TRIP10: variants seen among roughly 807,000 people sequenced by gnomAD.
The protein encoded by TRIP10 is thyroid hormone receptor interactor 10.
A neutral mutation model predicts 80.9 loss-of-function variants in TRIP10; 54 were observed. The ratio of observed to expected loss-of-function variants is 0.67; its 90% confidence interval spans 0.54 to 0.84. TRIP10 has a LOEUF of 0.84. TRIP10 is among the 40% of genes least tolerant of loss of function. The pLI is 0.00. For missense variants in TRIP10, 773 were observed against 815.3 expected (o/e 0.95, Z 0.63); for synonymous variants, 321 against 307.2 (o/e 1.04, Z -0.47).
Position 6,744,500 on chromosome 19 carries a change from G to A in TRIP10, c.643-54G>A. 6.2e-7 allele frequency: 1 copy of A among 1,608,800 alleles called. No homozygotes were observed. The highest frequency in any genetic ancestry group is 2.2e-5 in the East Asian group (1 of 44,876). ...TCATATTTGCAGAGTGAATCACTGT[G>A]CTTCTAGTCCCTCTGTTAGCACCCC... On this transcript the variant is annotated intron_variant, in intron 7 of 14. Coordinates refer to ENST00000313244, the MANE Select transcript of TRIP10 (RefSeq NM_001288962.2). This position sits in a 1 kb window ranked among gnomAD's most constrained non-coding sequence, Gnocchi z 4.9.
rs1968963960 is a variant in TRIP10, at chr19:6,742,909, C to T, written c.198-58C>T. ...CACCTGGAGGTGCGTCCTGGGGCAT[C>T]AGCCTGCTCGGGAGGAGGGGCCTGA... On this transcript the variant is annotated intron_variant, in intron 3 of 14. Transcript: ENST00000313244. 23 of 1,595,438 alleles carry T rather than the reference C, an allele frequency of 1.4e-5. No individual in the cohort carries two copies. In the South Asian group the frequency reaches 2.6e-4, roughly 18 times the overall value.
rs1353224286 is a variant in TRIP10 at position 6,746,310 on chromosome 19, C to T, written c.1152+114C>T. 9.4e-6 allele frequency: 14 copies of T among 1,493,556 alleles called. No individual in the cohort carries two copies. Among genetic ancestry groups the T allele is most frequent in the South Asian group, 6.6e-5 (5 of 76,036 alleles). The allele number at this position is 1,493,556 out of a possible 1,614,324, so 92.5% of individuals were successfully genotyped here. ...GCTGGGCCCCTCTTCCCTGGTTGCC[C>T]AACCCAGACCTGCTTTGCTCTGTGC... is the stretch of plus-strand genomic sequence containing the variant. On this transcript the variant is annotated intron_variant, in intron 10 of 14. Coordinates refer to ENST00000313244, the MANE Select transcript of TRIP10 (RefSeq NM_001288962.2). The surrounding 1 kb of genome is among the most constrained non-coding windows in gnomAD (Gnocchi z 6.2).
At position 6,743,225 on chromosome 19, in the gene TRIP10, A is replaced by G. The variant is rs368093541; in HGVS notation, c.377A>G (p.Gln126Arg). The change falls in exon 5 of 15, where the codon CAG becomes CGG. Residue 126 changes from glutamine (Q) to arginine (R), a missense_variant. Gln to Arg is a conservative substitution (Grantham distance 43, BLOSUM62 1). Transcript: ENST00000313244. ...HFQEGRRAQQQLENGFKQLEN... is the reference protein window; with the variant it reads ...HFQEGRRAQQRLENGFKQLEN... ...CAAGAAGGGCGGCGGGCCCAGCAGC[A>G]GCTGGAAAATGGCTTTAAACAGCTG... 1 of 1,613,964 alleles carries G rather than the reference A, an allele frequency of 6.2e-7. No individual in the cohort carries two copies. The highest frequency in any genetic ancestry group is 1.3e-5 in the African/African-American group (1 of 74,930).
chr19:6,740,935 G>T (rs955586317), intron 1 of TRIP10, 75 bp from the exon 2 acceptor site: 1 of 1,354,156 alleles, frequency 7.4e-7, no homozygotes, highest in East Asian at 2.3e-5. Flanking sequence ...CTGGGAGTCT[G>T]GTCGGCGGGC....
chr19:6,742,567 G>A (rs1368148109), intron 3 of TRIP10, among the ~76,000 whole-genome samples: 2 of 152,092 alleles, frequency 1.3e-5, no homozygotes, highest in African/African-American at 4.8e-5. Flanking sequence ...CACTTTGGGA[G>A]GGTGAGGCGG....
At position 6,743,615 on chromosome 19, in the gene TRIP10, C is replaced by CGGGGGGGGGGGGGGGGGG; in HGVS notation, c.513+27_513+28insGGGGGGGGGGGGGGGGGG. The CGGGGGGGGGGGGGGGGGG allele has an allele frequency of 2.1e-5, 16 of 770,132 alleles. No homozygotes were observed. Among genetic ancestry groups the CGGGGGGGGGGGGGGGGGG allele is most frequent in the African/African-American group, 1.1e-4 (4 of 37,074 alleles). The allele number at this position is 770,132 out of a possible 1,614,324, so 47.7% of individuals were successfully genotyped here. A position where few individuals can be genotyped will look rare whatever the true frequency, so the allele number is the denominator to read the frequency against. On this transcript the variant is annotated intron_variant, in intron 6 of 14. Coordinates refer to ENST00000313244, the MANE Select transcript of TRIP10 (RefSeq NM_001288962.2). Reference sequence around the variant, plus strand: ...GTGGAGAAGGTGTGTGTGGCGGGGGCGGGGGGGGGGTGCGGGGTCTGGGAC... The same window carrying CGGGGGGGGGGGGGGGGGG: ...GTGGAGAAGGTGTGTGTGGCGGGGGCGGGGGGGGGGGGGGGGGGGGGGGGGGGGTGCGGGGTCTGGGAC...
At chr19:6,749,205 A>G (rs1969213484) in intron 11 of TRIP10, among the ~76,000 whole-genome samples, 3 of 152,000 alleles carry the variant, frequency 2.0e-5, no homozygotes, top group Admixed American at 1.3e-4. Flanking sequence ...GCCTCCCAAA[A>G]TAATGCTGGG....
chr19:6,742,369 G>A (rs1349284340), intron 3 of TRIP10, among the ~76,000 whole-genome samples: 2 of 151,988 alleles, frequency 1.3e-5, no homozygotes, highest in Non-Finnish European at 2.9e-5. Context: ...CAGCCTGGGC[G>A]ACAGAGTGAG....
At chr19:6,742,018 A>G (rs921309740) in intron 3 of TRIP10, among the ~76,000 whole-genome samples, 2 of 151,704 alleles carry the variant, frequency 1.3e-5, no homozygotes, top group Non-Finnish European at 2.9e-5. Flanking sequence ...GGGTTTCACC[A>G]TGTTAGCCAG....
Position 6,745,911 on chromosome 19 carries a change from T to A in TRIP10, c.985-118T>A. On this transcript the variant is annotated intron_variant, in intron 9 of 14. Transcript: ENST00000313244. This position sits in a 1 kb window ranked among gnomAD's most constrained non-coding sequence, Gnocchi z 7.2. ...CATTTTGTTTTTCCTTTTTCCTTTT[T>A]TTGCGTCCATCCGTCCATCCGTGCG... 1 of 1,263,530 alleles carries A rather than the reference T, an allele frequency of 7.9e-7. No individual in the cohort carries two copies. 78.3% of individuals were successfully genotyped at this position (1,263,530 alleles called of 1,614,324 possible). A position where few individuals can be genotyped will look rare whatever the true frequency, so the allele number is the denominator to read the frequency against.
chr19:6,742,779 CAA>C (rs151261595), intron 3 of TRIP10, among the ~76,000 whole-genome samples, 186 bp from the exon 4 acceptor site: 69,165 of 121,334 alleles, frequency 0.57, 17,629 homozygotes, highest in East Asian at 0.74. Context: ...GACCCTGTCT[CAA>C]AAAAAAAAAA....
intron 1 of TRIP10, chr19:6,740,803 C>T: frequency 1.8e-6 from 1 of 563,774 alleles, no homozygotes; most frequent in South Asian, 2.1e-5. Context: ...GGCCTGGGCG[C>T]TGTTCTCCGG....
intron 1 of TRIP10, chr19:6,740,804 T>C (rs1480435369): frequency 1.2e-5 from 7 of 561,846 alleles, no homozygotes; most frequent in Non-Finnish European, 2.2e-5. Flanking sequence ...GCCTGGGCGC[T>C]GTTCTCCGGC....
In TRIP10 at chr19:6,741,104, A is replaced by G. The variant is rs1472269159; in HGVS notation, c.119A>G (p.Gln40Arg). ...KFVKERTEVE[Q>R]AYAKQLRSLV... ...GTGAAAGAACGCACCGAAGTGGAAC[A>G]GGCTTACGCCAAACAACTGCGGTGA... Residue 40 changes from glutamine (Q) to arginine (R), a missense_variant, in exon 2 of 15, where the codon CAG becomes CGG. Transcript: ENST00000313244. The G allele has an allele frequency of 2.5e-6, 4 of 1,614,124 alleles. 1 individual carries two copies. In the African/African-American group the frequency reaches 4.0e-5, roughly 16 times the overall value.
Position 6,745,305 on chromosome 19 carries a change from C to T in TRIP10, c.984+311C>T, listed in dbSNP as rs1402368092. 5.1e-6 allele frequency: 2 copies of T among 391,104 alleles called. No individual in the cohort carries two copies. Among genetic ancestry groups the T allele is most frequent in the Admixed American group, 4.3e-5 (1 of 23,366 alleles). The allele number at this position is 391,104 out of a possible 1,614,324, so 24.2% of individuals were successfully genotyped here. ...GGGCTGGTGACACCATCCCTGGGGA[C>T]TCCCCGAGTTTCTCTCTCCATCCTG... On this transcript the variant is annotated intron_variant, in intron 9 of 14. Coordinates refer to ENST00000313244, the MANE Select transcript of TRIP10 (RefSeq NM_001288962.2). This position sits in a 1 kb window ranked among gnomAD's most constrained non-coding sequence, Gnocchi z 7.2.
At chr19:6,739,986 C>T (rs1236752441) in intron 1 of TRIP10, among the ~76,000 whole-genome samples, 1 of 152,270 alleles carries the variant, frequency 6.6e-6, no homozygotes, top group Middle Eastern at 3.4e-3. Flanking sequence ...TTTGCCGGAC[C>T]GGAGTGGGGA....
chr19:6,749,909 GTCTA>G, intron 11 of TRIP10, 21 bp from the exon 12 acceptor site: 20 of 1,608,168 alleles, frequency 1.2e-5, no homozygotes, highest in Non-Finnish European at 1.7e-5. Context: ...ATGTTTTCCT[GTCTA>G]TCCTGTCTCC....
chr19:6,750,143 G>GGGA, intron 12 of TRIP10, 77 bp downstream of exon 12: 3 of 842,276 alleles, frequency 3.6e-6, no homozygotes, highest in African/African-American at 3.5e-5. Flanking sequence ...GGGGGTCGGG[G>GGGA]ACAGGGGAGG....
At position 6,750,026 on chromosome 19, in the gene TRIP10, G is replaced by A; in HGVS notation, c.1355G>A (p.Ser452Asn). ...GAGCCCCAGATCGCTGAAACCCTGA[G>A]CAACATTGAACGGCTGAAATTGGAA... ...SLEPQIAETL[S>N]NIERLKLEVQ... Residue 452 changes from serine (S) to asparagine (N), a missense_variant, in exon 12 of 15, where the codon AGC becomes AAC. By Grantham distance (46) the Ser-to-Asn change is conservative. Transcript: ENST00000313244. 4.3e-6 allele frequency: 7 copies of A among 1,610,198 alleles called. No individual in the cohort carries two copies. Among genetic ancestry groups the A allele is most frequent in the Middle Eastern group, 1.7e-4 (1 of 6,054 alleles).
Sources: gnomAD v4.1 joint callset for allele counts (sites outside exome capture counted in the v4.1 genomes callset) on GRCh38, gnomAD v4.1.1 for gene constraint, Gnocchi (gnomAD v3.1) non-coding constraint, MANE v1.5 for transcripts, NCBI Gene and HGNC (gene_info 2026-07-23, HGNC 2026-07-21) for gene names.